CTNNA2: variants seen among roughly 807,000 people sequenced by gnomAD.
The protein encoded by CTNNA2 is catenin alpha 2, also known as catenin alpha-2.
A neutral mutation model predicts 101.0 loss-of-function variants in CTNNA2; 42 were observed. That is an observed-to-expected ratio of 0.42 (90% CI 0.32 to 0.54). The LOEUF is 0.54. CTNNA2 is among the 20% of genes least tolerant of loss of function. CTNNA2 has a pLI of 0.14. For missense variants in CTNNA2, 871 were observed against 1,223.1 expected, an observed-to-expected ratio of 0.71 and a Z score of 4.29; for synonymous variants, 450 against 456.4, an observed-to-expected ratio of 0.99 and a Z score of 0.18.
intron 3 of CTNNA2, among the ~76,000 whole-genome samples, chr2:79,783,999 A>G (rs983015784): frequency 2.0e-5 from 3 of 152,196 alleles, no homozygotes; most frequent in Admixed American, 6.5e-5. Context: ...TTTTAGCTTT[A>G]TGATTAAATT....
At chr2:79,636,294 A>AAAAAAAAG (rs1680060786) in intron 1 of CTNNA2, among the ~76,000 whole-genome samples, 2 of 131,598 alleles carry the variant, frequency 1.5e-5, no homozygotes, top group African/African-American at 6.1e-5. Context: ...AAAAAAAAAA[A>AAAAAAAAG]AAAAAGGAAG....
At chr2:79,768,143 G>A (rs1210815003) in intron 3 of CTNNA2, among the ~76,000 whole-genome samples, 2 of 151,660 alleles carry the variant, frequency 1.3e-5, no homozygotes, top group Admixed American at 1.3e-4. Flanking sequence ...GGTATCAGCC[G>A]AGTTTGGTCT....
chr2:80,543,682 T>C (rs1330581436), intron 9 of CTNNA2, among the ~76,000 whole-genome samples: 2 of 152,158 alleles, frequency 1.3e-5, no homozygotes, highest in African/African-American at 4.8e-5. Flanking sequence ...AACTTCCTGA[T>C]CTCCAGGCCT....
intron 7 of CTNNA2, among the ~76,000 whole-genome samples, chr2:80,100,451 C>T (rs963634055): frequency 1.8e-4 from 27 of 152,174 alleles, no homozygotes; most frequent in African/African-American, 6.5e-4. Context: ...AGGTTCTCTC[C>T]AGCCACCATC....
intron 3 of CTNNA2, among the ~76,000 whole-genome samples, chr2:79,815,210 A>T (rs1424138010): frequency 6.6e-6 from 1 of 151,914 alleles, no homozygotes; most frequent in East Asian, 1.9e-4. Context: ...ATTTTCTCCC[A>T]CTCTGTGGTT....
intron 6 of CTNNA2, among the ~76,000 whole-genome samples, chr2:79,884,858 C>T (rs982442432): frequency 6.6e-6 from 1 of 151,670 alleles, no homozygotes; most frequent in African/African-American, 2.4e-5. Context: ...GCGACATCTG[C>T]ATCTCAGACT....
chr2:80,116,113 C>T (rs1701502234), intron 7 of CTNNA2, among the ~76,000 whole-genome samples: 1 of 151,902 alleles, frequency 6.6e-6, no homozygotes, highest in South Asian at 2.1e-4. Context: ...TGTGGGCTAC[C>T]TATAGTCTCT....
intron 7 of CTNNA2, among the ~76,000 whole-genome samples, chr2:80,106,982 C>A (rs919959183): frequency 6.6e-5 from 10 of 152,138 alleles, no homozygotes; most frequent in Admixed American, 2.6e-4. Flanking sequence ...ACATTGAGCA[C>A]CAGCCTAGAA....
chr2:79,816,305 A>G (rs1277412812), intron 3 of CTNNA2, among the ~76,000 whole-genome samples: 2 of 152,056 alleles, frequency 1.3e-5, no homozygotes, highest in Non-Finnish European at 2.9e-5. Flanking sequence ...AAGAGGAGTG[A>G]TGAGAGTGGG....
intron 2 of CTNNA2, among the ~76,000 whole-genome samples, chr2:79,303,363 G>C (rs1573055616): frequency 6.6e-6 from 1 of 152,296 alleles, no homozygotes; most frequent in African/African-American, 2.4e-5. Flanking sequence ...CTTTGTTGTT[G>C]TGTAAACATC....
intron 2 of CTNNA2, among the ~76,000 whole-genome samples, chr2:79,724,151 C>T (rs981537240): frequency 3.9e-5 from 6 of 152,010 alleles, no homozygotes; most frequent in African/African-American, 1.4e-4. Context: ...CTAATAGCTT[C>T]TGGTGGCCTT....
intron 7 of CTNNA2, among the ~76,000 whole-genome samples, chr2:80,175,263 C>G (rs572526682): frequency 9.2e-5 from 14 of 152,312 alleles, no homozygotes; most frequent in Admixed American, 3.3e-4. Flanking sequence ...TATCAGCTCC[C>G]ATTGCACCTT....
chr2:79,929,541 A>G (rs996637500), intron 7 of CTNNA2, among the ~76,000 whole-genome samples: 1 of 152,198 alleles, frequency 6.6e-6, no homozygotes, highest in Non-Finnish European at 1.5e-5. Flanking sequence ...GTGTGTTGTG[A>G]GCATTTAGCA....
At chr2:79,306,778 A>G (rs545376035) in intron 2 of CTNNA2, among the ~76,000 whole-genome samples, 32 of 152,340 alleles carry the variant, frequency 2.1e-4, no homozygotes, top group African/African-American at 6.7e-4. Flanking sequence ...TCTCACCAGA[A>G]CCTGTTTTCA....
intron 3 of CTNNA2, among the ~76,000 whole-genome samples, chr2:79,373,244 A>AAT (rs1258204682): frequency 6.6e-6 from 1 of 152,192 alleles, no homozygotes; most frequent in African/African-American, 2.4e-5. Context: ...TCATCAGAGC[A>AAT]ATATATATCA....
chr2:79,571,588 C>A (rs899077666), intron 1 of CTNNA2, among the ~76,000 whole-genome samples: 3 of 152,050 alleles, frequency 2.0e-5, no homozygotes, highest in Non-Finnish European at 4.4e-5. Flanking sequence ...TTTTTTTCCC[C>A]TGGAATATCT....
intron 4 of CTNNA2, among the ~76,000 whole-genome samples, chr2:79,462,535 T>A (rs1670891150): frequency 6.6e-6 from 1 of 152,168 alleles, no homozygotes; most frequent in African/African-American, 2.4e-5. Flanking sequence ...CTACCTAGAT[T>A]CAGAGAAGCA....
At chr2:80,195,879 A>G (rs1020364017) in intron 7 of CTNNA2, among the ~76,000 whole-genome samples, 8 of 152,094 alleles carry the variant, frequency 5.3e-5, no homozygotes, top group Non-Finnish European at 1.0e-4. Flanking sequence ...CAAGAAATTG[A>G]GAAGTAGTGT....
chr2:80,082,499 A>C (rs1319081659), intron 7 of CTNNA2, among the ~76,000 whole-genome samples: 1 of 152,166 alleles, frequency 6.6e-6, no homozygotes, highest in Non-Finnish European at 1.5e-5. Flanking sequence ...TATTTGCCTG[A>C]AGTCCAGTGC....
Sources: gnomAD v4.1 joint callset for allele counts (sites outside exome capture counted in the v4.1 genomes callset) on GRCh38, gnomAD v4.1.1 for gene constraint, MANE v1.5 for transcripts, NCBI Gene and HGNC (gene_info 2026-07-23, HGNC 2026-07-21) for gene names.